WDR19: variants seen among roughly 807,000 people sequenced by gnomAD.
WDR19 encodes the protein WD repeat-containing protein 19.
Under a neutral mutation model 180.0 loss-of-function variants are expected in WDR19, and 121 were observed. The observed-to-expected ratio is 0.67, with a 90% CI of 0.58 to 0.78. WDR19 has a LOEUF of 0.78. Ranked by LOEUF, WDR19 falls within the 30% of genes least tolerant of loss-of-function variation. The pLI is 0.00. For synonymous variants in WDR19, 497 were observed against 540.7 expected, an observed-to-expected ratio of 0.92 and a Z score of 1.12; for missense variants, 1,450 against 1,640.7, an observed-to-expected ratio of 0.88 and a Z score of 2.01.
At chr4:39,218,333 G>T in intron 14 of WDR19, 2 of 583,272 alleles carry the variant, frequency 3.4e-6, no homozygotes, top group Non-Finnish European at 5.8e-6. Flanking sequence ...CATAGAGTGT[G>T]CTTACAGGAA....
At chr4:39,210,316 A>G (rs1283586348) in intron 9 of WDR19, among the ~76,000 whole-genome samples, 2 of 152,240 alleles carry the variant, frequency 1.3e-5, no homozygotes, top group South Asian at 2.1e-4. Flanking sequence ...TATAAAAAGA[A>G]TTATACTTCA....
At position 39,274,025 on chromosome 4, in the gene WDR19, G is replaced by A. The variant is rs555513878; in HGVS notation, c.3566-783G>A. The stretch of plus-strand genomic sequence containing the variant: ...ATCTTCTCATGAATAATACGTAAAC[G>A]AATGGGCATGACTGTGTTTCAATAG... On this transcript the variant is annotated intron_variant, in intron 32 of 36. Coordinates refer to ENST00000399820, the MANE Select transcript of WDR19 (RefSeq NM_025132.4). 8 of 152,292 alleles carry A rather than the reference G, an allele frequency of 5.3e-5. No individual in the cohort carries two copies. The East Asian group carries it at 5.8e-4, about 11-fold the overall frequency. The allele number at this position is 152,292 out of a possible 1,614,324, so 9.4% of individuals were successfully genotyped here. A position where few individuals can be genotyped will look rare whatever the true frequency, so the allele number is the denominator to read the frequency against.
In WDR19 at chr4:39,232,230, G is replaced by A. The variant is rs1730949154; in HGVS notation, c.2211G>A (p.Gln737=). 6.2e-7 allele frequency: 1 copy of A among 1,612,332 alleles called. No homozygotes were observed. The highest frequency in any genetic ancestry group is 8.5e-7 in the Non-Finnish European group (1 of 1,179,388). Reference sequence around the variant, plus strand: ...TTACCAACGATTATAACCTGGCTCAGGACTTGTACCTTGCATCCAGCTGTC... The same window carrying A: ...TTACCAACGATTATAACCTGGCTCAAGACTTGTACCTTGCATCCAGCTGTC... ...AMFTNDYNLA[Q]DLYLASSCPI... Residue 737 remains glutamine, a synonymous_variant, in exon 19 of 37, where the codon CAG becomes CAA. Transcript: ENST00000399820.
At chr4:39,235,018 A>G in intron 20 of WDR19, 143 bp downstream of exon 20, 1 of 557,612 alleles carries the variant, frequency 1.8e-6, no homozygotes, top group Non-Finnish European at 3.1e-6. Flanking sequence ...TATATCTGAA[A>G]AATGTTTTTT....
chr4:39,265,457 A>G (rs183942948), intron 28 of WDR19, among the ~76,000 whole-genome samples: 14 of 152,084 alleles, frequency 9.2e-5, no homozygotes, highest in Admixed American at 5.9e-4. Flanking sequence ...AAGGTGTCAT[A>G]GTCATTTAAG....
chr4:39,233,435 T>G (rs553050179), intron 19 of WDR19, among the ~76,000 whole-genome samples: 1 of 152,342 alleles, frequency 6.6e-6, no homozygotes, highest in African/African-American at 2.4e-5. Context: ...GTAGGAAGAA[T>G]AATATCTAAC....
chr4:39,239,043 T>C (rs1052684995), intron 20 of WDR19, among the ~76,000 whole-genome samples: 1 of 152,028 alleles, frequency 6.6e-6, no homozygotes, highest in Admixed American at 6.6e-5. Flanking sequence ...GTGGCGCAAT[T>C]TCAGCTCACT....
chr4:39,239,629 A>G (rs1577963352), intron 20 of WDR19, among the ~76,000 whole-genome samples: 1 of 152,192 alleles, frequency 6.6e-6, no homozygotes, highest in Non-Finnish European at 1.5e-5. Context: ...ATGTTTACCT[A>G]TGTAACAAAG....
intron 9 of WDR19, among the ~76,000 whole-genome samples, chr4:39,208,951 T>A (rs1181923462): frequency 1.3e-5 from 2 of 152,182 alleles, no homozygotes; most frequent in African/African-American, 4.8e-5. Context: ...ACAACTGTAA[T>A]GTATAGAACC....
chr4:39,263,004 C>T (rs927829393), intron 28 of WDR19, among the ~76,000 whole-genome samples: 2 of 152,124 alleles, frequency 1.3e-5, no homozygotes, highest in African/African-American at 2.4e-5. Flanking sequence ...CCTGGTGATT[C>T]GCAGCCAGAA....
At chr4:39,231,244 G>C (rs763791439) in intron 17 of WDR19, among the ~76,000 whole-genome samples, 7 of 150,710 alleles carry the variant, frequency 4.6e-5, no homozygotes, top group Non-Finnish European at 5.9e-5. Context: ...CCAGGAGGCC[G>C]AGGTTGCAGT....
intron 14 of WDR19, among the ~76,000 whole-genome samples, chr4:39,219,344 G>A (rs1021427922): frequency 1.3e-5 from 2 of 152,148 alleles, no homozygotes; most frequent in Non-Finnish European, 2.9e-5. Flanking sequence ...CTAGGCAATA[G>A]GAATTTTTCA....
intron 24 of WDR19, among the ~76,000 whole-genome samples, chr4:39,251,252 A>G (rs1733139877): frequency 6.6e-6 from 1 of 152,202 alleles, no homozygotes. Context: ...AAAACAAGCA[A>G]TGGGGAAAGG....
chr4:39,206,081 A>T (rs1727922875), intron 9 of WDR19: 1 of 163,678 alleles, frequency 6.1e-6, no homozygotes, highest in Admixed American at 6.3e-5. Context: ...AAGAAGACGG[A>T]ATTTGAAGTG....
At chr4:39,233,672 A>C (rs28668910) in intron 19 of WDR19, among the ~76,000 whole-genome samples, 2 of 152,224 alleles carry the variant, frequency 1.3e-5, no homozygotes, top group African/African-American at 4.8e-5. Flanking sequence ...TTTAAATTTT[A>C]AGTGAACTAA....
intron 29 of WDR19, among the ~76,000 whole-genome samples, chr4:39,266,385 A>C (rs2008679): frequency 0.5 from 76,786 of 152,082 alleles, 20,777 homozygotes; most frequent in African/African-American, 0.71. Flanking sequence ...GTTTAAAAAA[A>C]AAATCGCAAA....
At chr4:39,218,309 C>A in intron 14 of WDR19, 1 of 668,152 alleles carries the variant, frequency 1.5e-6, no homozygotes, top group Non-Finnish European at 2.4e-6. Flanking sequence ...GCAATTTCAT[C>A]ATTGTGTGGA....
At chr4:39,262,367 C>T (rs1438276028) in intron 28 of WDR19, among the ~76,000 whole-genome samples, 1 of 152,188 alleles carries the variant, frequency 6.6e-6, no homozygotes, top group Non-Finnish European at 1.5e-5. Context: ...ACCTTAGCCT[C>T]CCAAGTAGCT....
At chr4:39,266,608 C>T (rs936676948) in intron 29 of WDR19, among the ~76,000 whole-genome samples, 1 of 152,188 alleles carries the variant, frequency 6.6e-6, no homozygotes, top group Non-Finnish European at 1.5e-5. Context: ...TCACCACATA[C>T]AATTTTTCTC....
Sources: allele counts gnomAD v4.1 joint callset (sites outside exome capture counted in the v4.1 genomes callset), GRCh38; gene constraint gnomAD v4.1.1; transcripts MANE v1.5; gene names NCBI Gene and HGNC (gene_info 2026-07-23, HGNC 2026-07-21).